Variants in ULK4 observed in about 807,000 individuals in gnomAD.
ULK4 encodes the protein unc-51 like kinase 4.
A neutral mutation model predicts 160.6 loss-of-function variants in ULK4; 133 were observed. The observed-to-expected ratio is 0.83, with a 90% CI of 0.72 to 0.96. The LOEUF (loss-of-function observed/expected upper bound fraction) is 0.96. Ranked by LOEUF, ULK4 falls within the 40% of genes least tolerant of loss-of-function variation. ULK4 has a pLI of 0.00. For synonymous variants in ULK4, 534 were observed against 539.8 expected, an observed-to-expected ratio of 0.99 and a Z score of 0.15; for missense variants, 1,580 against 1,499.5, an observed-to-expected ratio of 1.05 and a Z score of -0.89.
chr3:41,621,480 T>A (rs1460742819), intron 30 of ULK4, among the ~76,000 whole-genome samples: 1 of 152,144 alleles, frequency 6.6e-6, no homozygotes, highest in East Asian at 1.9e-4. Flanking sequence ...AACCATCTGA[T>A]CTTCAACAAA....
At chr3:41,649,848 C>T (rs1381973538) in intron 30 of ULK4, among the ~76,000 whole-genome samples, 4 of 152,172 alleles carry the variant, frequency 2.6e-5, no homozygotes, top group South Asian at 2.1e-4. Context: ...GCCTGGTGAC[C>T]GGCTGCCAGT....
chr3:41,615,701 T>G lies in ULK4; in HGVS notation c.3088A>C (p.Lys1030Gln). The change falls in exon 31 of 37, where the codon AAA becomes CAA. Residue 1030 changes from lysine (K) to glutamine (Q), a missense_variant. Lys to Gln is a moderately conservative substitution (Grantham distance 53). Coordinates refer to ENST00000301831, the MANE Select transcript of ULK4 (RefSeq NM_017886.4). ...ACTTCAAAAATGAGTGGGATCAGTT[T>G]GCTTTCTTCCACAAGTCTGTTAAAA... ...PTFTRLVEES[K>Q]LIPLIFEVTL... is the part of the protein sequence containing the mutation. 5.6e-6 allele frequency: 9 copies of G among 1,613,368 alleles called. No individual in the cohort carries two copies. Among genetic ancestry groups the G allele is most frequent in the Non-Finnish European group, 7.6e-6 (9 of 1,179,670 alleles).
chr3:41,771,216 C>A (rs1313151281), intron 21 of ULK4, among the ~76,000 whole-genome samples: 2 of 152,052 alleles, frequency 1.3e-5, no homozygotes, highest in Non-Finnish European at 2.9e-5. Context: ...CAGAATATTT[C>A]CATTAAAATA....
At position 41,754,434 on chromosome 3, in the gene ULK4, C is replaced by T. The variant is rs552490417; in HGVS notation, c.2248G>A (p.Ala750Thr). 6.8e-6 allele frequency: 11 copies of T among 1,613,700 alleles called. No homozygotes were observed. Among genetic ancestry groups the T allele is most frequent in the Non-Finnish European group, 9.3e-6 (11 of 1,179,850 alleles). Residue 750 changes from alanine to threonine, a missense_variant, in exon 22 of 37, where the codon GCA becomes ACA. By Grantham distance (58) the Ala-to-Thr change is moderately conservative. Transcript: ENST00000301831. ...TATAGAAGAACCAGGAAGGCTTTTG[C>T]TCTAATGCATGTTGAGGGGCTGTCA... ...LLDSPSTCIR[A>T]KAFLVLLYIL...
chr3:41,857,992 A>G (rs1025629835), intron 17 of ULK4, among the ~76,000 whole-genome samples: 1 of 151,514 alleles, frequency 6.6e-6, no homozygotes, highest in Admixed American at 6.6e-5. Context: ...TTTTCTTCTA[A>G]TTTTAGATTT....
At chr3:41,456,905 C>T (rs1161956016) in intron 33 of ULK4, among the ~76,000 whole-genome samples, 1 of 152,194 alleles carries the variant, frequency 6.6e-6, no homozygotes, top group East Asian at 1.9e-4. Context: ...TTCAGAAGAA[C>T]TTGACTGAAA....
chr3:41,639,073 T>C (rs1279585568), intron 30 of ULK4, among the ~76,000 whole-genome samples: 1 of 152,204 alleles, frequency 6.6e-6, no homozygotes, highest in African/African-American at 2.4e-5. Flanking sequence ...GACTCTCTCA[T>C]ACTTCAGAAA....
intron 30 of ULK4, among the ~76,000 whole-genome samples, chr3:41,634,771 G>A (rs958550398): frequency 1.3e-5 from 2 of 152,196 alleles, no homozygotes; most frequent in Non-Finnish European, 2.9e-5. Flanking sequence ...TGTTAAACAT[G>A]GATGTCAAGG....
chr3:41,643,297 T>C (rs539682412), intron 30 of ULK4, among the ~76,000 whole-genome samples: 2 of 152,228 alleles, frequency 1.3e-5, no homozygotes, highest in East Asian at 3.9e-4. Context: ...AATGCCTAGG[T>C]TTTCTTCTAC....
intron 31 of ULK4, among the ~76,000 whole-genome samples, chr3:41,602,585 G>A (rs916024152): frequency 3.3e-5 from 5 of 152,088 alleles, no homozygotes; most frequent in African/African-American, 1.2e-4. Context: ...TACTACCTCT[G>A]CAACCTTTCT....
intron 21 of ULK4, among the ~76,000 whole-genome samples, chr3:41,756,053 G>C (rs1248848699): frequency 6.6e-6 from 1 of 152,116 alleles, no homozygotes; most frequent in Non-Finnish European, 1.5e-5. Context: ...GTTAACATTT[G>C]GTGAATGTGG....
chr3:41,660,710 C>T (rs530637572), intron 30 of ULK4, among the ~76,000 whole-genome samples: 1 of 152,258 alleles, frequency 6.6e-6, no homozygotes, highest in South Asian at 2.1e-4. Context: ...ACCTTTGGAG[C>T]CTCAGCCATA....
intron 35 of ULK4, among the ~76,000 whole-genome samples, chr3:41,273,410 C>G (rs1346992584): frequency 2.0e-5 from 3 of 152,140 alleles, no homozygotes; most frequent in African/African-American, 7.2e-5. Flanking sequence ...GCATTGTTCC[C>G]TTTAATCCCT....
intron 35 of ULK4, among the ~76,000 whole-genome samples, chr3:41,330,573 G>A (rs1237877320): frequency 1.3e-5 from 2 of 152,222 alleles, no homozygotes; most frequent in African/African-American, 2.4e-5. Context: ...CTGGTGAGGG[G>A]TGACTGGTTA....
intron 32 of ULK4, among the ~76,000 whole-genome samples, chr3:41,525,331 T>C (rs1468560358): frequency 1.3e-5 from 2 of 152,210 alleles, no homozygotes; most frequent in African/African-American, 4.8e-5. Context: ...CAAGTTTTAA[T>C]TTCTTAATTG....
At chr3:41,592,941 T>C (rs917056331) in intron 31 of ULK4, among the ~76,000 whole-genome samples, 17 of 152,100 alleles carry the variant, frequency 1.1e-4, no homozygotes, top group Admixed American at 1.1e-3. Context: ...GACATCCTCA[T>C]GCTTTCTGTC....
At chr3:41,794,321 A>G (rs1217748922) in intron 20 of ULK4, among the ~76,000 whole-genome samples, 2 of 152,168 alleles carry the variant, frequency 1.3e-5, no homozygotes, top group Non-Finnish European at 2.9e-5. Context: ...ATGTGCCCAG[A>G]AAAGGAACAA....
At chr3:41,258,496 A>T (rs1008907234) in intron 35 of ULK4, 5 of 152,184 alleles carry the variant, frequency 3.3e-5, no homozygotes, top group African/African-American at 1.2e-4. Context: ...TAAGCACAAT[A>T]CCTTCTTCCC....
intron 18 of ULK4, among the ~76,000 whole-genome samples, chr3:41,823,874 T>C (rs952049079): frequency 6.6e-6 from 1 of 152,054 alleles, no homozygotes; most frequent in African/African-American, 2.4e-5. Flanking sequence ...TTAAAGTATA[T>C]ACCAAGGGCT....
Sources: allele counts gnomAD v4.1 joint callset (sites outside exome capture counted in the v4.1 genomes callset), GRCh38; gene constraint gnomAD v4.1.1; transcripts MANE v1.5; gene names NCBI Gene and HGNC (gene_info 2026-07-23, HGNC 2026-07-21).